The following VCAN variants were observed in gnomAD, a reference collection of about 807,000 sequenced individuals.
VCAN encodes the protein versican core protein.
Under a neutral mutation model 245.5 loss-of-function variants are expected in VCAN, and 44 were observed. The ratio of observed to expected loss-of-function variants is 0.18; its 90% CI spans 0.14 to 0.23. The LOEUF is 0.23. VCAN is among the 10% of genes least tolerant of loss of function. The pLI is 1.00. For missense variants in VCAN, 3,793 were observed against 4,057.9 expected (o/e 0.93, Z 1.77); for synonymous variants, 1,413 against 1,437.0 (o/e 0.98, Z 0.38).
chr5:83,478,989 G>A (rs560683947), intron 1 of VCAN, among the ~76,000 whole-genome samples: 1 of 152,312 alleles, frequency 6.6e-6, no homozygotes, highest in African/African-American at 2.4e-5. Context: ...GAACAGAGGA[G>A]TGCTAAGGGG....
At chr5:83,533,935 G>A (rs1398475146) in intron 7 of VCAN, among the ~76,000 whole-genome samples, 1 of 152,094 alleles carries the variant, frequency 6.6e-6, no homozygotes, top group Non-Finnish European at 1.5e-5. Flanking sequence ...GTAGAATTAA[G>A]TATTCTTAAT....
chr5:83,477,690 T>C (rs1482643582), intron 1 of VCAN, among the ~76,000 whole-genome samples: 1 of 152,076 alleles, frequency 6.6e-6, no homozygotes, highest in Non-Finnish European at 1.5e-5. Context: ...TTGGAAAACA[T>C]CTACGACATT....
intron 3 of VCAN, among the ~76,000 whole-genome samples, chr5:83,492,428 T>C (rs1745013289): frequency 6.6e-6 from 1 of 152,194 alleles, no homozygotes; most frequent in African/African-American, 2.4e-5. Context: ...TAAGACCCAG[T>C]TGCCTCAATT....
chr5:83,560,805 G>A (rs889100682), intron 12 of VCAN, among the ~76,000 whole-genome samples: 10 of 151,996 alleles, frequency 6.6e-5, no homozygotes, highest in Non-Finnish European at 1.2e-4. Flanking sequence ...AGATTCTCAC[G>A]AGGCGATTCT....
intron 2 of VCAN, 58 bp from the exon 3 acceptor site, chr5:83,490,040 A>C: frequency 1.3e-6 from 2 of 1,597,460 alleles, no homozygotes; most frequent in Non-Finnish European, 1.7e-6. Flanking sequence ...TCACATATTG[A>C]ATAGATTAAG....
intron 1 of VCAN, among the ~76,000 whole-genome samples, chr5:83,478,279 G>A (rs546488171): frequency 6.6e-6 from 1 of 152,290 alleles, no homozygotes; most frequent in Admixed American, 6.5e-5. Context: ...GCAAGTTTGT[G>A]TTGGCCAGGT....
chr5:83,549,369 A>G (rs1747369810), intron 10 of VCAN, among the ~76,000 whole-genome samples: 2 of 152,186 alleles, frequency 1.3e-5, no homozygotes, highest in South Asian at 2.1e-4. Flanking sequence ...ATCCTGGCAC[A>G]TTGTTTCATT....
intron 12 of VCAN, among the ~76,000 whole-genome samples, chr5:83,567,846 G>A (rs1336379080): frequency 2.0e-5 from 3 of 152,164 alleles, no homozygotes; most frequent in Non-Finnish European, 4.4e-5. Flanking sequence ...TGGCTTCTGG[G>A]AATAATTCTT....
chr5:83,546,439 A>G (rs1009307288), intron 9 of VCAN, among the ~76,000 whole-genome samples: 1 of 152,048 alleles, frequency 6.6e-6, no homozygotes, highest in Non-Finnish European at 1.5e-5. Flanking sequence ...CAATCCCAAC[A>G]TTCATATTAA....
rs939829599 is a variant in VCAN, at chr5:83,538,301, T to C, written c.5298T>C (p.Asp1766=). 1 of 1,614,066 alleles carries C rather than the reference T, an allele frequency of 6.2e-7. No individual in the cohort carries two copies. Among genetic ancestry groups the C allele is most frequent in the Admixed American group, 1.7e-5 (1 of 59,998 alleles). Residue 1766 remains aspartate (D), a synonymous_variant, in exon 8 of 15, where the codon GAT becomes GAC. Coordinates refer to ENST00000265077, the MANE Select transcript of VCAN (RefSeq NM_004385.5). ...GTCCAAATGTAGCTACATCTAGTGATTCAGGTACCAGGAAAAGTTTTATGT... is the reference window on the plus strand; with the variant it reads ...GTCCAAATGTAGCTACATCTAGTGACTCAGGTACCAGGAAAAGTTTTATGT... ...LESPNVATSS[D]SGTRKSFMSL...
At chr5:83,484,535 CCATCCATCCATCCATCCATT>C (rs1744729799) in intron 2 of VCAN, among the ~76,000 whole-genome samples, 1 of 151,926 alleles carries the variant, frequency 6.6e-6, no homozygotes, top group African/African-American at 2.4e-5. Context: ...ATCCATCCAT[CCATCCATCCATCCATCCATT>C]CATCCATCCA....
At chr5:83,498,749 A>C (rs760593111) in intron 5 of VCAN, among the ~76,000 whole-genome samples, 2 of 152,198 alleles carry the variant, frequency 1.3e-5, no homozygotes, top group Non-Finnish European at 2.9e-5. Context: ...TAGTTTGTGA[A>C]TCACTTTTGA....
intron 1 of VCAN, among the ~76,000 whole-genome samples, chr5:83,478,997 G>T (rs1744497380): frequency 1.3e-5 from 2 of 152,114 alleles, no homozygotes; most frequent in Admixed American, 1.3e-4. Context: ...GAGTGCTAAG[G>T]GGCGACAATG....
chr5:83,555,252 G>T (rs1421756719), intron 12 of VCAN, among the ~76,000 whole-genome samples: 1 of 152,128 alleles, frequency 6.6e-6, no homozygotes, highest in Non-Finnish European at 1.5e-5. Context: ...TTCAAAAGAG[G>T]AGTGTACCAG....
intron 5 of VCAN, among the ~76,000 whole-genome samples, chr5:83,494,486 C>T (rs895949946): frequency 6.6e-6 from 1 of 152,188 alleles, no homozygotes; most frequent in Non-Finnish European, 1.5e-5. Flanking sequence ...TGTAGGTACT[C>T]TGCTGGTTGT....
In VCAN at chr5:83,572,439, C is replaced by T. The variant is rs752196140; in HGVS notation, c.9759C>T (p.Asn3253=). The change falls in exon 13 of 15, where the codon AAC becomes AAT. Residue 3253 remains asparagine, a synonymous_variant. Coordinates refer to ENST00000265077, the MANE Select transcript of VCAN (RefSeq NM_004385.5). Reference sequence around the variant, plus strand: ...AGCAATACGAGAATTGGAGACCCAACCAGCCAGACAGCTTCTTTTCTGCTG... The same window carrying T: ...AGCAATACGAGAATTGGAGACCCAATCAGCCAGACAGCTTCTTTTCTGCTG... The part of the protein sequence containing the change: ...STLQYENWRP[N]QPDSFFSAGE... 10 of 1,613,936 alleles carry T rather than the reference C, an allele frequency of 6.2e-6. No individual in the cohort carries two copies. The highest frequency in any genetic ancestry group is 2.2e-5 in the East Asian group (1 of 44,856).
chr5:83,551,596 A>G (rs1027502574), intron 10 of VCAN, among the ~76,000 whole-genome samples: 2 of 152,234 alleles, frequency 1.3e-5, no homozygotes, highest in Admixed American at 1.3e-4. Context: ...AAGGGTATGT[A>G]GAAAAGTTTT....
At chr5:83,490,562 TG>T in intron 3 of VCAN, 90 bp downstream of exon 3, 1 of 1,581,160 alleles carries the variant, frequency 6.3e-7, no homozygotes. Context: ...AACTGTTGTT[TG>T]GGGTTTGGAT....
intron 1 of VCAN, among the ~76,000 whole-genome samples, chr5:83,482,975 T>C (rs1387012199): frequency 1.3e-5 from 2 of 152,208 alleles, no homozygotes; most frequent in African/African-American, 4.8e-5. Context: ...CCTGCCGAAG[T>C]CCTTATTCTC....
Sources: gnomAD v4.1 joint callset for allele counts (sites outside exome capture counted in the v4.1 genomes callset) on GRCh38, gnomAD v4.1.1 for gene constraint, MANE v1.5 for transcripts, NCBI Gene and HGNC (gene_info 2026-07-23, HGNC 2026-07-21) for gene names.